SSUH2: variants seen among roughly 807,000 people sequenced by gnomAD.
SSUH2 encodes the protein ssu-2 homolog.
In SSUH2, 47 loss-of-function variants were observed where a neutral mutation model predicts 55.3. That is an observed-to-expected ratio of 0.85 (90% confidence interval 0.67 to 1.08). The LOEUF (loss-of-function observed/expected upper bound fraction) is 1.08, where lower values mean the gene tolerates loss of function less well. SSUH2 is among the 50% of genes least tolerant of loss of function. SSUH2 has a pLI of 0.00. For missense variants in SSUH2, 535 were observed against 490.7 expected (o/e 1.09, Z -0.85); for synonymous variants, 212 against 191.5 (o/e 1.11, Z -0.89).
Position 8,633,700 on chromosome 3 carries a change from A to G in SSUH2, c.305T>C (p.Val102Ala), listed in dbSNP as rs1699347510. The change falls in exon 4 of 12, where the codon GTC becomes GCC. Residue 102 changes from valine (V) to alanine (A), a missense_variant. Physicochemically the swap from Val to Ala is moderately conservative, Grantham distance 64. Transcript: ENST00000544814. ...CYSSTVAGDL[V>A]IQELKRQTLC... is the part of the protein sequence containing the mutation. Reference sequence around the variant, plus strand: ...GGTCTGCCGCTTCAGCTCCTGGATGACGAGGTCTCCAGCCACCGTGCTGCT... The same window carrying G: ...GGTCTGCCGCTTCAGCTCCTGGATGGCGAGGTCTCCAGCCACCGTGCTGCT... The G allele has an allele frequency of 6.5e-7, 1 of 1,537,840 alleles. No individual in the cohort carries two copies. The highest frequency in any genetic ancestry group is 8.8e-7 in the Non-Finnish European group (1 of 1,142,746).
intron 4 of SSUH2, among the ~76,000 whole-genome samples, chr3:8,671,548 A>C (rs1343402256): frequency 1.3e-5 from 2 of 151,428 alleles, no homozygotes; most frequent in African/African-American, 4.9e-5. Flanking sequence ...ATAAGACCAC[A>C]AGGTGTACAC....
At chr3:8,660,384 T>C (rs1021856037) in intron 6 of SSUH2, among the ~76,000 whole-genome samples, 2 of 152,140 alleles carry the variant, frequency 1.3e-5, no homozygotes, top group South Asian at 2.1e-4. Flanking sequence ...AAACTTAAAA[T>C]AAATATGCAT....
upstream of SSUH2, among the ~76,000 whole-genome samples, chr3:8,646,956 T>G: frequency 6.6e-6 from 1 of 152,330 alleles, no homozygotes; most frequent in Non-Finnish European, 1.5e-5. Context: ...TCAAGAAACA[T>G]TTGTGGAATT....
intron 10 of SSUH2, among the ~76,000 whole-genome samples, chr3:8,624,073 A>C (rs1053496260): frequency 4.6e-5 from 7 of 152,204 alleles, no homozygotes; most frequent in Admixed American, 6.5e-5. Flanking sequence ...AAAATGAACC[A>C]CAAATAAGCC....
intron 5 of SSUH2, among the ~76,000 whole-genome samples, chr3:8,665,252 A>T (rs1703887733): frequency 6.6e-6 from 1 of 152,234 alleles, no homozygotes; most frequent in African/African-American, 2.4e-5. Flanking sequence ...GAAGAAAAGG[A>T]AGATAAAGAA....
Position 8,662,232 on chromosome 3 carries a change from C to G in SSUH2, c.-396+1512G>C, listed in dbSNP as rs192583963. Among the ~76,000 whole-genome samples, 430 of 152,324 alleles carry G rather than the reference C, an allele frequency of 2.8e-3. 1 individual carries two copies. Among genetic ancestry groups the G allele is most frequent in the African/African-American group, 9.4e-3 (389 of 41,576 alleles). ...AAAAGGCAGACAGTGCCTCTGCTTG[C>G]AAGACATGCAGAAATGAGAGAGGGC... On this transcript the variant is annotated intron_variant, in intron 6 of 18. Coordinates refer to the SSUH2 transcript ENST00000317371.
intron 7 of SSUH2, among the ~76,000 whole-genome samples, chr3:8,650,719 C>A (rs1165930381): frequency 6.6e-6 from 1 of 152,192 alleles, no homozygotes; most frequent in Non-Finnish European, 1.5e-5. Context: ...TCCCTGGAAG[C>A]TGGGACTACA....
In SSUH2 at chr3:8,656,167, A is replaced by C. The variant is rs902903299; in HGVS notation, c.-307+2758T>G. On this transcript the variant is annotated intron_variant, in intron 7 of 18. Transcript: ENST00000317371. ...TGTGCAAATCTCAAACAGAACACACAACTGAAAAGCCTTCATGTTTAGGTT... is the reference window on the plus strand; with the variant it reads ...TGTGCAAATCTCAAACAGAACACACCACTGAAAAGCCTTCATGTTTAGGTT... Among the ~76,000 whole-genome samples, 79 of 152,220 alleles carry C rather than the reference A, an allele frequency of 5.2e-4. 4 individuals carry two copies. Among genetic ancestry groups the C allele is most frequent in the Non-Finnish European group, 1.5e-4 (10 of 68,032 alleles).
intron 5 of SSUH2, among the ~76,000 whole-genome samples, chr3:8,665,401 T>C (rs1394647913): frequency 6.6e-6 from 1 of 152,198 alleles, no homozygotes; most frequent in African/African-American, 2.4e-5. Context: ...TTAATTAGCA[T>C]AGTCTGTTGA....
rs1699719822 is a variant in SSUH2 at position 8,635,223 on chromosome 3, TGC to T, written c.209+75_209+76del. The T allele has an allele frequency of 3.9e-6, 5 of 1,284,394 alleles. No homozygotes were observed. The African/African-American group carries it at 7.4e-5, about 19-fold the overall frequency. The allele number at this position is 1,284,394 out of a possible 1,614,324, so 79.6% of individuals were successfully genotyped here. A position where few individuals can be genotyped will look rare whatever the true frequency, so the allele number is the denominator to read the frequency against. ...GCCCCCTCCAGGGATCCTGATGCAC[TGC>T]CAGGGCTGAGATCCTCAAGGGGCAA... On this transcript the variant is annotated intron_variant, in intron 3 of 11. Transcript: ENST00000544814.
At chr3:8,671,912 G>C (rs989656759) in exon 4 of SSUH2, 1 of 151,822 alleles carries the variant, frequency 6.6e-6, no homozygotes, top group East Asian at 1.9e-4. Context: ...TACAATCCAC[G>C]GTGGTCACAC....
chr3:8,665,640 C>A (rs1173985805), intron 5 of SSUH2, among the ~76,000 whole-genome samples: 1 of 151,948 alleles, frequency 6.6e-6, no homozygotes, highest in Non-Finnish European at 1.5e-5. Context: ...AACCCAAAGT[C>A]CCCCCCGTTC....
intron 6 of SSUH2, among the ~76,000 whole-genome samples, chr3:8,660,605 T>C (rs1224981183): frequency 6.6e-6 from 1 of 152,228 alleles, no homozygotes; most frequent in Non-Finnish European, 1.5e-5. Context: ...TTGTTACTGC[T>C]CCTTTCCCTG....
chr3:8,633,991 T>C (rs548709410), intron 3 of SSUH2, 196 bp from the exon 4 acceptor site: 3 of 1,591,704 alleles, frequency 1.9e-6, no homozygotes, highest in African/African-American at 1.3e-5. Flanking sequence ...ACGGGGCAGG[T>C]TTTCCTAGAG....
intron 7 of SSUH2, 28 bp from the exon 8 acceptor site, chr3:8,627,811 C>T (rs565569011): frequency 6.3e-6 from 10 of 1,587,638 alleles, no homozygotes; most frequent in African/African-American, 4.1e-5. Context: ...CCTCAGCCCC[C>T]GCTGGCCTCC....
At chr3:8,681,172 T>G (rs1157888638) in intron 1 of SSUH2, among the ~76,000 whole-genome samples, 58 of 93,090 alleles carry the variant, frequency 6.2e-4, no homozygotes, top group Admixed American at 1.1e-3. Context: ...GGGGGGGGAG[T>G]CACCCCATGC....
intron 5 of SSUH2, among the ~76,000 whole-genome samples, chr3:8,666,926 T>TA (rs1390182001): frequency 6.6e-6 from 1 of 152,184 alleles, no homozygotes; most frequent in African/African-American, 2.4e-5. Flanking sequence ...CAAAGGACAC[T>TA]ACAGATGATA....
intron 5 of SSUH2, among the ~76,000 whole-genome samples, chr3:8,665,600 G>T (rs964140287): frequency 6.6e-6 from 1 of 150,394 alleles, no homozygotes; most frequent in Non-Finnish European, 1.5e-5. Context: ...GACCACAGAG[G>T]TCACTAAGGG....
At chr3:8,626,658 G>A (rs1697631250) in intron 8 of SSUH2, among the ~76,000 whole-genome samples, 1 of 151,788 alleles carries the variant, frequency 6.6e-6, no homozygotes, top group South Asian at 2.1e-4. Context: ...TGACCCAGGC[G>A]AGTGCAATGA....
Sources: gnomAD v4.1 joint callset for allele counts (sites outside exome capture counted in the v4.1 genomes callset) on GRCh38, gnomAD v4.1.1 for gene constraint, MANE v1.5 for transcripts, NCBI Gene and HGNC (gene_info 2026-07-23, HGNC 2026-07-21) for gene names.